The following TNR variants were observed in gnomAD, a reference collection of about 807,000 sequenced individuals.
The protein encoded by TNR is tenascin R.
In TNR, 45 loss-of-function variants were observed where a neutral mutation model predicts 150.4. That is an observed-to-expected ratio of 0.30 (90% CI 0.24 to 0.38). TNR has a LOEUF of 0.38. TNR is among the 10% of genes least tolerant of loss of function. The probability of loss-of-function intolerance (pLI) is 1.00; values close to 1 mark genes in which losing one functional copy is unlikely to be tolerated. For synonymous variants in TNR, 687 were observed against 678.4 expected (o/e 1.01, Z -0.20); for missense variants, 1,544 against 1,759.1 (o/e 0.88, Z 2.19).
chr1:175,331,078 C>CCTTCT (rs1649823861), intron 20 of TNR, among the ~76,000 whole-genome samples: 49 of 59,896 alleles, frequency 8.2e-4, no homozygotes, highest in Non-Finnish European at 7.3e-4. Context: ...TCTTTCTTTC[C>CCTTCT]TTCTTTCTTT....
intron 2 of TNR, among the ~76,000 whole-genome samples, chr1:175,503,948 A>G (rs1658846211): frequency 6.6e-6 from 1 of 152,164 alleles, no homozygotes; most frequent in South Asian, 2.1e-4. Flanking sequence ...TGTTGGGTTT[A>G]CATATTGACA....
chr1:175,498,097 C>T (rs772292594), intron 2 of TNR, among the ~76,000 whole-genome samples: 5 of 151,828 alleles, frequency 3.3e-5, no homozygotes, highest in Admixed American at 6.6e-5. Context: ...ACAACAAAAA[C>T]AAAACAAAAA....
chr1:175,613,708 C>T (rs1320143009), intron 1 of TNR, among the ~76,000 whole-genome samples: 4 of 152,182 alleles, frequency 2.6e-5, no homozygotes, highest in Admixed American at 1.3e-4. Flanking sequence ...ATTCTCTTGT[C>T]CTATCAAGTT....
At chr1:175,723,700 C>T (rs1477484596) in intron 1 of TNR, among the ~76,000 whole-genome samples, 3 of 152,014 alleles carry the variant, frequency 2.0e-5, no homozygotes, top group South Asian at 2.1e-4. Flanking sequence ...GGTGAAACCC[C>T]GTCTCTACTA....
chr1:175,709,625 T>G (rs1666943871), intron 1 of TNR, among the ~76,000 whole-genome samples: 1 of 152,230 alleles, frequency 6.6e-6, no homozygotes. Flanking sequence ...CTCATTCCCC[T>G]AACAGGCCAA....
intron 1 of TNR, among the ~76,000 whole-genome samples, chr1:175,630,581 CTCTTT>C (rs991803994): frequency 6.6e-6 from 1 of 152,172 alleles, no homozygotes; most frequent in African/African-American, 2.4e-5. Flanking sequence ...CCCTTTCTTT[CTCTTT>C]TATCTTTAGC....
chr1:175,514,947 T>C (rs1306256788), intron 2 of TNR, among the ~76,000 whole-genome samples: 1 of 152,046 alleles, frequency 6.6e-6, no homozygotes, highest in Non-Finnish European at 1.5e-5. Flanking sequence ...TCGTCCATGC[T>C]ACCCAGTCTA....
chr1:175,390,915 C>A (rs1444058553), intron 7 of TNR, among the ~76,000 whole-genome samples: 2 of 152,202 alleles, frequency 1.3e-5, no homozygotes, highest in African/African-American at 2.4e-5. Flanking sequence ...TGGGAAGGTT[C>A]AGATGACTTT....
At chr1:175,352,897 G>T (rs927457730) in intron 18 of TNR, among the ~76,000 whole-genome samples, 3 of 152,206 alleles carry the variant, frequency 2.0e-5, no homozygotes, top group Non-Finnish European at 4.4e-5. Context: ...CGAGTGCAGT[G>T]GGGGAGACAC....
At chr1:175,494,222 T>C (rs974093748) in intron 2 of TNR, among the ~76,000 whole-genome samples, 1 of 152,178 alleles carries the variant, frequency 6.6e-6, no homozygotes, top group Non-Finnish European at 1.5e-5. Context: ...TGCAGTTCTA[T>C]GGGCACAGGT....
intron 1 of TNR, among the ~76,000 whole-genome samples, chr1:175,698,356 A>G (rs1007090954): frequency 6.6e-6 from 1 of 152,238 alleles, no homozygotes; most frequent in African/African-American, 2.4e-5. Flanking sequence ...ACCGAAGAGC[A>G]GACGTGAAGG....
intron 2 of TNR, among the ~76,000 whole-genome samples, chr1:175,450,554 G>A (rs1442081165): frequency 6.6e-6 from 1 of 152,192 alleles, no homozygotes; most frequent in East Asian, 1.9e-4. Context: ...ACACCAGAGA[G>A]GTCTTTCACC....
At chr1:175,698,818 T>C (rs1666605051) in intron 1 of TNR, among the ~76,000 whole-genome samples, 3 of 147,466 alleles carry the variant, frequency 2.0e-5, no homozygotes, top group African/African-American at 7.4e-5. Flanking sequence ...TAAGACTCTG[T>C]CTCAAAAAAA....
intron 2 of TNR, among the ~76,000 whole-genome samples, chr1:175,470,092 A>G (rs2102115870): frequency 6.6e-6 from 1 of 152,070 alleles, no homozygotes; most frequent in South Asian, 2.1e-4. Context: ...AAGTGTGGAG[A>G]GATGGGGGTA....
At chr1:175,467,624 AC>A (rs1345529536) in intron 2 of TNR, among the ~76,000 whole-genome samples, 1 of 152,128 alleles carries the variant, frequency 6.6e-6, no homozygotes, top group Non-Finnish European at 1.5e-5. Context: ...GGCCACCTGG[AC>A]CCAGGGGCTA....
intron 1 of TNR, among the ~76,000 whole-genome samples, chr1:175,640,018 G>T (rs766361494): frequency 9.2e-5 from 14 of 152,210 alleles, no homozygotes; most frequent in Non-Finnish European, 1.5e-4. Flanking sequence ...AACCCCACTG[G>T]CTAGAACAGT....
intron 2 of TNR, among the ~76,000 whole-genome samples, chr1:175,515,051 A>C (rs74127319): frequency 6.6e-6 from 1 of 152,220 alleles, no homozygotes; most frequent in East Asian, 1.9e-4. Context: ...GTCTTCACCA[A>C]CTGAATGTCA....
intron 21 of TNR, among the ~76,000 whole-genome samples, chr1:175,328,556 G>A (rs759036099): frequency 4.6e-5 from 7 of 152,238 alleles, no homozygotes; most frequent in Admixed American, 2.0e-4. Flanking sequence ...GCCTAGAGGG[G>A]ATGGCAGCCT....
At chr1:175,641,297 G>A (rs879353456) in intron 1 of TNR, among the ~76,000 whole-genome samples, 7 of 152,104 alleles carry the variant, frequency 4.6e-5, no homozygotes, top group Admixed American at 3.9e-4. Context: ...CAGGGTTGGA[G>A]AGAAGGAGGG....
Sources: gnomAD v4.1 joint callset for allele counts (sites outside exome capture counted in the v4.1 genomes callset) on GRCh38, gnomAD v4.1.1 for gene constraint, MANE v1.5 for transcripts, NCBI Gene and HGNC (gene_info 2026-07-23, HGNC 2026-07-21) for gene names.